Variants in WDPCP observed in about 807,000 individuals in gnomAD.
WDPCP encodes WD repeat containing planar cell polarity effector.
A neutral mutation model predicts 93.1 loss-of-function variants in WDPCP; 71 were observed. The observed-to-expected ratio is 0.76, with a 90% CI of 0.63 to 0.93. The LOEUF (loss-of-function observed/expected upper bound fraction) is 0.93, where lower values mean the gene tolerates loss of function less well. Among genes scored for constraint, WDPCP ranks in the 40% least tolerant of loss-of-function variants. The pLI is 0.00. For missense variants in WDPCP, 844 were observed against 887.4 expected (o/e 0.95, Z 0.62); for synonymous variants, 315 against 315.0 (o/e 1.00, Z 0.00).
chr2:63,453,995 T>C (rs770540487), intron 6 of WDPCP, among the ~76,000 whole-genome samples: 1 of 148,394 alleles, frequency 6.7e-6, no homozygotes, highest in Non-Finnish European at 1.5e-5. Context: ...TTAGGAGATA[T>C]ACCTAATGTA....
At chr2:63,325,141 C>G (rs535778119) in intron 12 of WDPCP, among the ~76,000 whole-genome samples, 71 of 152,218 alleles carry the variant, frequency 4.7e-4, no homozygotes, top group Non-Finnish European at 9.1e-4. Context: ...AAAGGAAAAG[C>G]AAGATCAGAG....
At chr2:63,617,811 T>C (rs1364465045) in intron 3 of WDPCP, among the ~76,000 whole-genome samples, 2 of 152,194 alleles carry the variant, frequency 1.3e-5, no homozygotes, top group African/African-American at 4.8e-5. Context: ...GTTCTCAATT[T>C]CTTTTAGCTC....
At chr2:63,427,396 G>T (rs1696404981) in intron 9 of WDPCP, among the ~76,000 whole-genome samples, 1 of 151,950 alleles carries the variant, frequency 6.6e-6, no homozygotes, top group Admixed American at 6.6e-5. Context: ...TATACACTTG[G>T]ACTACATTGC....
rs573656658 is a variant in WDPCP, at chr2:63,345,634, C to T, written c.1749-32323G>A. 2.0e-5 allele frequency among the ~76,000 whole-genome samples: 3 copies of T among 152,242 alleles called. No individual in the cohort carries two copies. The South Asian group carries it at 6.2e-4, about 32-fold the overall frequency. On this transcript the variant is annotated intron_variant, in intron 12 of 17. Coordinates refer to ENST00000272321, the MANE Select transcript of WDPCP (RefSeq NM_015910.7). ...TAGAAGATCTAATTGTTGATCAGAA[C>T]TCTAGAGATGTTAAGATGCAACATC...
chr2:63,740,601 T>C (rs1042493998), intron 2 of WDPCP, among the ~76,000 whole-genome samples: 5 of 152,166 alleles, frequency 3.3e-5, no homozygotes, highest in Non-Finnish European at 5.9e-5. Context: ...CAAAGTATAT[T>C]ATGAATGGGA....
upstream of WDPCP, chr2:63,593,450 A>G (rs1021032628): frequency 1.5e-5 from 6 of 413,266 alleles, no homozygotes; most frequent in African/African-American, 1.3e-4. Context: ...TGAGTACCAA[A>G]TTGCTGAGTG....
intron 12 of WDPCP, among the ~76,000 whole-genome samples, chr2:63,327,243 G>A (rs1687628655): frequency 6.6e-6 from 1 of 152,176 alleles, no homozygotes; most frequent in Non-Finnish European, 1.5e-5. Context: ...CCTGCGAGTT[G>A]TTTGCACTCA....
chr2:63,669,685 C>G (rs1353971169), intron 2 of WDPCP, among the ~76,000 whole-genome samples: 1 of 152,102 alleles, frequency 6.6e-6, no homozygotes, highest in Non-Finnish European at 1.5e-5. Context: ...AGAGTATATT[C>G]TCTTGTTAGA....
At chr2:63,729,478 T>A (rs760569967) in intron 2 of WDPCP, among the ~76,000 whole-genome samples, 11 of 152,114 alleles carry the variant, frequency 7.2e-5, no homozygotes, top group Admixed American at 3.9e-4. Context: ...TAGCCCCAGT[T>A]AGGAGAAGTA....
intron 12 of WDPCP, among the ~76,000 whole-genome samples, chr2:63,376,716 A>G (rs1691882366): frequency 6.6e-6 from 1 of 151,892 alleles, no homozygotes; most frequent in African/African-American, 2.4e-5. Flanking sequence ...CACTTTTACC[A>G]TGTGTTCATT....
At chr2:63,188,841 A>G (rs1674828364) in intron 14 of WDPCP, among the ~76,000 whole-genome samples, 1 of 152,116 alleles carries the variant, frequency 6.6e-6, no homozygotes, top group African/African-American at 2.4e-5. Context: ...TGGTCAGGCC[A>G]TGGTCCCGTT....
chr2:63,335,663 A>G (rs1042887455), intron 12 of WDPCP, among the ~76,000 whole-genome samples: 6 of 152,262 alleles, frequency 3.9e-5, no homozygotes, highest in African/African-American at 1.4e-4. Flanking sequence ...TTGATCCTGT[A>G]TCCTGCAACC....
intron 13 of WDPCP, among the ~76,000 whole-genome samples, chr2:63,278,211 G>A (rs1418208791): frequency 6.6e-6 from 1 of 152,136 alleles, no homozygotes; most frequent in East Asian, 1.9e-4. Flanking sequence ...TCTTTGAACT[G>A]AATGAGAATA....
intron 3 of WDPCP, among the ~76,000 whole-genome samples, chr2:63,600,839 A>C (rs920089407): frequency 1.3e-5 from 2 of 152,150 alleles, no homozygotes; most frequent in Non-Finnish European, 2.9e-5. Context: ...AAAGGAAGAG[A>C]TATTATACAT....
chr2:63,177,332 G>T (rs1364839958), intron 14 of WDPCP, among the ~76,000 whole-genome samples: 1 of 152,152 alleles, frequency 6.6e-6, no homozygotes, highest in Non-Finnish European at 1.5e-5. Context: ...ATTACCTTGG[G>T]CAATACTGAC....
intron 3 of WDPCP, among the ~76,000 whole-genome samples, chr2:63,650,187 GT>G (rs1328749091): frequency 6.6e-5 from 10 of 152,190 alleles, no homozygotes; most frequent in African/African-American, 2.4e-4. Context: ...CAGTACAGTA[GT>G]TTTCAAACTT....
chr2:63,634,807 C>A (rs532042301), intron 3 of WDPCP, among the ~76,000 whole-genome samples: 1 of 151,896 alleles, frequency 6.6e-6, no homozygotes, highest in South Asian at 2.1e-4. Context: ...AAATAAATAA[C>A]CTAATGTTAT....
At chr2:63,588,743 C>T (rs940968220), upstream of WDPCP, 2 of 510,908 alleles carry the variant, frequency 3.9e-6, no homozygotes, top group African/African-American at 1.9e-5. Context: ...TGTTGTCGTC[C>T]TCCAATCACA....
chr2:63,736,216 G>T (rs1449507740), intron 2 of WDPCP, among the ~76,000 whole-genome samples: 2 of 152,168 alleles, frequency 1.3e-5, no homozygotes, highest in Non-Finnish European at 2.9e-5. Flanking sequence ...ATGTTGGCTA[G>T]AACTGAAGTA....
Sources: gnomAD v4.1 joint callset for allele counts (sites outside exome capture counted in the v4.1 genomes callset) on GRCh38, gnomAD v4.1.1 for gene constraint, MANE v1.5 for transcripts, NCBI Gene and HGNC (gene_info 2026-07-23, HGNC 2026-07-21) for gene names.